COA1: variants seen among roughly 807,000 people sequenced by gnomAD.
COA1 encodes cytochrome c oxidase assembly factor 1 homolog.
In COA1, 13 loss-of-function variants were observed where a neutral mutation model predicts 16.0. The ratio of observed to expected loss-of-function variants is 0.81; its 90% CI spans 0.53 to 1.29. The LOEUF is 1.29. Among genes scored for constraint, COA1 ranks in the 50% most tolerant of loss-of-function variants. COA1 has a pLI of 0.00. For synonymous variants in COA1, 65 were observed against 65.7 expected (o/e 0.99, Z 0.05); for missense variants, 179 against 177.0 (o/e 1.01, Z -0.06).
At chr7:43,637,908 C>CAAAACAAAACAAAA (rs1337851435), downstream of COA1, among the ~76,000 whole-genome samples, 7 of 152,156 alleles carry the variant, frequency 4.6e-5, no homozygotes, top group African/African-American at 1.7e-4. Context: ...AATTCAAACA[C>CAAAACAAAACAAAA]TAAGATAAAG....
chr7:43,621,739 A>G (rs1038156672), intron 6 of COA1, among the ~76,000 whole-genome samples: 2 of 152,210 alleles, frequency 1.3e-5, no homozygotes, highest in Non-Finnish European at 2.9e-5. Flanking sequence ...TTTTCTATCA[A>G]GAGCCTTTCC....
downstream of COA1, among the ~76,000 whole-genome samples, chr7:43,638,590 T>C (rs74371098): frequency 0.19 from 20,694 of 107,328 alleles, 2,037 homozygotes; most frequent in Non-Finnish European, 0.26. Flanking sequence ...TTTTTTTTTT[T>C]CTGAGACAGA....
chr7:43,682,240 T>C (rs534243705), intron 1 of COA1, among the ~76,000 whole-genome samples: 3 of 152,314 alleles, frequency 2.0e-5, no homozygotes, highest in Non-Finnish European at 2.9e-5. Context: ...CCACTAAGAC[T>C]TTCTTAGTCT....
intron 6 of COA1, chr7:43,626,769 T>C (rs1446371574): frequency 1.3e-5 from 2 of 152,250 alleles, no homozygotes; most frequent in Admixed American, 6.5e-5. Context: ...ATACTCGTAA[T>C]AAATATATTT....
Position 43,640,593 on chromosome 7 carries a change from G to T in COA1, c.321C>A (p.Ser107=), listed in dbSNP as rs2086798238. Residue 107 remains serine, a synonymous_variant, in exon 5 of 6, where the codon TCC becomes TCA. Transcript: ENST00000223336. ...GATACCTCTGAAAGGGGCCACCTCT[G>T]GATGAGTGGACGTAGAGAAGGCCCT... ...KSEGLLYVHS[S]RGGPFQRWHL... is the part of the protein sequence containing the mutation. 1.9e-6 allele frequency: 3 copies of T among 1,608,436 alleles called. No individual in the cohort carries two copies. The highest frequency in any genetic ancestry group is 2.5e-6 in the Non-Finnish European group (3 of 1,177,654).
chr7:43,686,452 G>A (rs1211695351), intron 1 of COA1, among the ~76,000 whole-genome samples: 15 of 151,520 alleles, frequency 9.9e-5, no homozygotes, highest in Admixed American at 7.9e-4. Flanking sequence ...GACTACAGGC[G>A]CCCGCCACTG....
chr7:43,696,921 A>G (rs1015819496), intron 1 of COA1, among the ~76,000 whole-genome samples: 2 of 152,028 alleles, frequency 1.3e-5, no homozygotes, highest in Non-Finnish European at 2.9e-5. Flanking sequence ...TCAAGAGATC[A>G]AGACCATCCT....
At chr7:43,627,895 C>T (rs2084742925) in intron 6 of COA1, among the ~76,000 whole-genome samples, 1 of 152,194 alleles carries the variant, frequency 6.6e-6, no homozygotes, top group South Asian at 2.1e-4. Flanking sequence ...ATACAGCATG[C>T]ACCATTTGGC....
intron 1 of COA1, among the ~76,000 whole-genome samples, chr7:43,698,260 G>A (rs1198797664): frequency 1.3e-5 from 2 of 152,210 alleles, no homozygotes; most frequent in African/African-American, 2.4e-5. Flanking sequence ...ATTAATTTCA[G>A]TGGTGTCAAT....
intron 1 of COA1, among the ~76,000 whole-genome samples, chr7:43,688,881 G>A (rs749543105): frequency 1.3e-5 from 2 of 152,186 alleles, no homozygotes; most frequent in Admixed American, 6.5e-5. Flanking sequence ...TCTTAATATA[G>A]TGATATGGCT....
Position 43,678,158 on chromosome 7 carries a change from T to C in COA1, c.-38-29506A>G, listed in dbSNP as rs2093619031. ...CTGTTGAAAACAACTTAGTAATTTG[T>C]ATAAAGTATTTTAAAACATCTTTTC... On this transcript the variant is annotated intron_variant, in intron 1 of 5. Transcript: ENST00000223336. Among the ~76,000 whole-genome samples, 3 of 152,318 alleles carry C rather than the reference T, an allele frequency of 2.0e-5. No individual in the cohort carries two copies. The South Asian group carries it at 6.2e-4, about 32-fold the overall frequency.
chr7:43,717,033 G>A (rs1563472752), intron 1 of COA1, among the ~76,000 whole-genome samples: 1 of 152,206 alleles, frequency 6.6e-6, no homozygotes, highest in Admixed American at 6.5e-5. Context: ...GGAAATGTAT[G>A]GAAGCCCAGG....
intron 1 of COA1, among the ~76,000 whole-genome samples, chr7:43,724,281 G>A (rs541713968): frequency 1.3e-5 from 2 of 152,204 alleles, no homozygotes; most frequent in South Asian, 2.1e-4. Flanking sequence ...AGCCAGGCGC[G>A]GTGGCTCACA....
chr7:43,622,091 G>A (rs963911023), intron 6 of COA1, among the ~76,000 whole-genome samples: 1 of 152,152 alleles, frequency 6.6e-6, no homozygotes, highest in African/African-American at 2.4e-5. Flanking sequence ...CCTTAAACCA[G>A]TATTCAGCAC....
chr7:43,708,198 C>T (rs746383165), intron 1 of COA1, among the ~76,000 whole-genome samples: 9 of 151,938 alleles, frequency 5.9e-5, no homozygotes, highest in East Asian at 1.9e-4. Context: ...AGCAACACTC[C>T]GTCTCAAAAA....
At chr7:43,707,595 T>C (rs2095043001) in intron 1 of COA1, among the ~76,000 whole-genome samples, 2 of 152,218 alleles carry the variant, frequency 1.3e-5, no homozygotes, top group Admixed American at 6.5e-5. Flanking sequence ...TGTCTGATTT[T>C]AAAATCTATT....
intron 1 of COA1, among the ~76,000 whole-genome samples, chr7:43,671,290 C>T (rs1161953502): frequency 6.7e-6 from 1 of 150,022 alleles, no homozygotes; most frequent in Non-Finnish European, 1.5e-5. Context: ...TGGACTTTAA[C>T]AACATTAAAA....
chr7:43,704,738 T>C (rs2094902235), intron 1 of COA1, among the ~76,000 whole-genome samples: 1 of 152,172 alleles, frequency 6.6e-6, no homozygotes, highest in Admixed American at 6.5e-5. Flanking sequence ...TGGATTGGGT[T>C]TCAACCTTCT....
intron 6 of COA1, chr7:43,623,052 G>T (rs2084088787): frequency 6.5e-6 from 1 of 153,148 alleles, no homozygotes; most frequent in Admixed American, 6.5e-5. Context: ...TGTAGTGTCA[G>T]AATGCCCAAT....
Sources: allele counts gnomAD v4.1 joint callset (sites outside exome capture counted in the v4.1 genomes callset), GRCh38; gene constraint gnomAD v4.1.1; transcripts MANE v1.5; gene names NCBI Gene and HGNC (gene_info 2026-07-23, HGNC 2026-07-21).